The following CADM2 variants were observed in gnomAD, a reference collection of about 807,000 sequenced individuals.
The protein encoded by CADM2 is immunoglobulin superfamily member 4D.
A neutral mutation model predicts 49.8 loss-of-function variants in CADM2; 12 were observed. The ratio of observed to expected loss-of-function variants is 0.24; its 90% CI spans 0.15 to 0.39. The LOEUF is 0.39. Ranked by LOEUF, CADM2 falls within the 10% of genes least tolerant of loss-of-function variation. The pLI, the probability that CADM2 is intolerant of heterozygous loss-of-function variation, is 1.00. For synonymous variants in CADM2, 214 were observed against 175.4 expected (o/e 1.22, Z -1.74); for missense variants, 378 against 492.3 (o/e 0.77, Z 2.20).
chr3:85,754,391 A>G (rs2069005532), intron 2 of CADM2, among the ~76,000 whole-genome samples: 2 of 152,102 alleles, frequency 1.3e-5, no homozygotes, highest in Admixed American at 1.3e-4. Context: ...TGCTCTGATC[A>G]TGTCTAACTA....
intron 1 of CADM2, among the ~76,000 whole-genome samples, chr3:85,411,141 A>G (rs1190393474): frequency 6.6e-6 from 1 of 152,204 alleles, no homozygotes; most frequent in East Asian, 1.9e-4. Flanking sequence ...CGATGAAGAC[A>G]TGCTGTTGTA....
chr3:85,038,387 A>G (rs2035304933), intron 1 of CADM2, among the ~76,000 whole-genome samples: 2 of 152,258 alleles, frequency 1.3e-5, no homozygotes, highest in South Asian at 4.1e-4. Flanking sequence ...CACTTAATAC[A>G]TAGGTAGTTT....
intron 3 of CADM2, among the ~76,000 whole-genome samples, chr3:85,835,407 C>A (rs77911417): frequency 0.056 from 8,465 of 149,920 alleles, 389 homozygotes; most frequent in East Asian, 0.19. Context: ...GCCTAGAAGT[C>A]AAGCTCACAT....
chr3:85,085,351 T>C lies in CADM2; in HGVS notation c.61+125683T>C, dbSNP rs2037326826. ...CCAGCTTGTTTCACTTAGCATAACA[T>C]CCTCTAGGTTCATAGTTGTTGTTGC... On this transcript the variant is annotated intron_variant, in intron 1 of 9. Transcript: ENST00000383699. Among the ~76,000 whole-genome samples the C allele has an allele frequency of 2.0e-5, 3 of 152,232 alleles. No homozygotes were observed. In the South Asian group the frequency reaches 6.2e-4, roughly 32 times the overall value.
intron 8 of CADM2, among the ~76,000 whole-genome samples, chr3:86,046,379 T>C (rs1167418249): frequency 2.0e-5 from 3 of 152,212 alleles, no homozygotes; most frequent in Non-Finnish European, 4.4e-5. Flanking sequence ...AAGTTGATAA[T>C]CTACCATATT....
chr3:85,158,797 T>C (rs996944577), intron 1 of CADM2, among the ~76,000 whole-genome samples: 29 of 152,070 alleles, frequency 1.9e-4, no homozygotes, highest in Non-Finnish European at 2.9e-4. Context: ...CATATGTAAC[T>C]AACTTGCACA....
rs150391231 is a variant in CADM2 at position 84,994,856 on chromosome 3, G to A, written c.61+35188G>A. ...AGCCTGGCAAACACAGTGAAACCGT[G>A]TCTCTACTAAAAATACAAAAAATAA... On this transcript the variant is annotated intron_variant, in intron 1 of 9. Coordinates refer to ENST00000383699, the MANE Select transcript of CADM2 (RefSeq NM_001167675.2). 3.3e-3 allele frequency among the ~76,000 whole-genome samples: 506 copies of A among 152,002 alleles called. 6 individuals are homozygous for A. The highest frequency in any genetic ancestry group is 0.011 in the African/African-American group (476 of 41,490).
At chr3:85,792,954 G>A (rs1032680859) in intron 2 of CADM2, among the ~76,000 whole-genome samples, 1 of 152,026 alleles carries the variant, frequency 6.6e-6, no homozygotes, top group Non-Finnish European at 1.5e-5. Flanking sequence ...ATAGTGTGCT[G>A]GATTCTTGGT....
At chr3:85,476,148 G>T (rs757127739) in intron 1 of CADM2, among the ~76,000 whole-genome samples, 1 of 151,780 alleles carries the variant, frequency 6.6e-6, no homozygotes, top group African/African-American at 2.4e-5. Flanking sequence ...TGCCTCAAGA[G>T]ACCTGACAAA....
chr3:85,495,888 A>G (rs1313791678), intron 1 of CADM2, among the ~76,000 whole-genome samples: 10 of 152,128 alleles, frequency 6.6e-5, no homozygotes, highest in Non-Finnish European at 1.3e-4. Flanking sequence ...CTAGGCGCCA[A>G]TCACGTTAGG....
intron 1 of CADM2, among the ~76,000 whole-genome samples, chr3:85,713,020 T>C (rs2067161892): frequency 6.6e-6 from 1 of 152,202 alleles, no homozygotes; most frequent in Admixed American, 6.5e-5. Context: ...GATGTAGTCA[T>C]AGATCTTCAG....
intron 1 of CADM2, among the ~76,000 whole-genome samples, chr3:85,377,855 G>A (rs2033682598): frequency 6.6e-6 from 1 of 151,992 alleles, no homozygotes; most frequent in Non-Finnish European, 1.5e-5. Flanking sequence ...GGCCCAGGGA[G>A]CGATGCGAAT....
intron 5 of CADM2, among the ~76,000 whole-genome samples, chr3:85,905,509 C>T (rs537238595): frequency 1.5e-4 from 23 of 152,166 alleles, no homozygotes; most frequent in African/African-American, 4.3e-4. Flanking sequence ...TAATTAAAAA[C>T]ATACTTGTTA....
intron 1 of CADM2, among the ~76,000 whole-genome samples, chr3:85,249,052 T>G (rs2042716898): frequency 1.3e-5 from 2 of 152,188 alleles, no homozygotes; most frequent in African/African-American, 4.8e-5. Context: ...TCAAGCCTAT[T>G]TAATCTTTGC....
intron 7 of CADM2, among the ~76,000 whole-genome samples, chr3:85,959,001 A>G (rs1724441811): frequency 6.6e-6 from 1 of 151,408 alleles, no homozygotes. Flanking sequence ...TGTTCTACAC[A>G]TGTTTCGTGG....
intron 1 of CADM2, among the ~76,000 whole-genome samples, chr3:85,024,569 C>T (rs191304717): frequency 5.5e-4 from 84 of 151,828 alleles, no homozygotes; most frequent in African/African-American, 1.6e-3. Context: ...TCTTTATCCA[C>T]GTAACAAAAC....
intron 1 of CADM2, among the ~76,000 whole-genome samples, chr3:85,394,207 A>T (rs903590009): frequency 1.3e-5 from 2 of 152,158 alleles, no homozygotes; most frequent in African/African-American, 2.4e-5. Context: ...ATTCTTTTAT[A>T]GTTGATATAT....
chr3:85,643,421 T>G (rs1384990992), intron 1 of CADM2, among the ~76,000 whole-genome samples: 1 of 152,190 alleles, frequency 6.6e-6, no homozygotes, highest in Non-Finnish European at 1.5e-5. Context: ...TACACTGAAG[T>G]CTTCATTTGA....
intron 1 of CADM2, among the ~76,000 whole-genome samples, chr3:85,205,125 C>G (rs1230732256): frequency 6.6e-6 from 1 of 151,466 alleles, no homozygotes; most frequent in South Asian, 2.1e-4. Flanking sequence ...TCAAGCAATC[C>G]TCTTGCCTCA....
Sources: allele counts gnomAD v4.1 joint callset (sites outside exome capture counted in the v4.1 genomes callset), GRCh38; gene constraint gnomAD v4.1.1; transcripts MANE v1.5; gene names NCBI Gene and HGNC (gene_info 2026-07-23, HGNC 2026-07-21).